The following CDH17 variants were observed in gnomAD, a reference collection of about 807,000 sequenced individuals.
CDH17 encodes cadherin 17.
Under a neutral mutation model 86.3 loss-of-function variants are expected in CDH17, and 67 were observed. The observed-to-expected ratio is 0.78, with a 90% CI of 0.64 to 0.95. The LOEUF (loss-of-function observed/expected upper bound fraction) is 0.95. CDH17 is among the 40% of genes least tolerant of loss of function. The pLI, the probability that CDH17 is intolerant of heterozygous loss-of-function variation, is 0.00. For missense variants in CDH17, 993 were observed against 1,017.6 expected, an observed-to-expected ratio of 0.98 and a Z score of 0.33; for synonymous variants, 367 against 366.4, an observed-to-expected ratio of 1.00 and a Z score of -0.02.
chr8:94,191,754 A>T (rs1813695342), intron 2 of CDH17, among the ~76,000 whole-genome samples: 1 of 152,194 alleles, frequency 6.6e-6, no homozygotes, highest in African/African-American at 2.4e-5. Context: ...ATGCCCGGCC[A>T]AGAAAATGCA....
chr8:94,163,641 A>T (rs191034289), intron 10 of CDH17, among the ~76,000 whole-genome samples: 26 of 151,980 alleles, frequency 1.7e-4, no homozygotes, highest in Admixed American at 1.4e-3. Context: ...CCTTCTTTCA[A>T]CTCTTTGAGG....
chr8:94,182,082 G>A (rs914060259), intron 3 of CDH17, among the ~76,000 whole-genome samples: 14 of 151,968 alleles, frequency 9.2e-5, no homozygotes, highest in African/African-American at 3.4e-4. Flanking sequence ...ACTGATTCAA[G>A]AACACATAGA....
At chr8:94,148,665 T>G in intron 14 of CDH17, 79 bp downstream of exon 14, 51 of 1,170,770 alleles carry the variant, frequency 4.4e-5, no homozygotes, top group East Asian at 5.9e-5. Context: ...AGTTTTCTTA[T>G]CCTCCCTCCC....
At chr8:94,165,281 C>A (rs553386671) in intron 10 of CDH17, among the ~76,000 whole-genome samples, 98 of 152,264 alleles carry the variant, frequency 6.4e-4, no homozygotes, top group African/African-American at 2.2e-3. Flanking sequence ...TTGTAAAGCT[C>A]ATTTTCAAAG....
rs147741721 is a variant in CDH17, at chr8:94,189,269, T to C, written c.68A>G (p.Gln23Arg). 27 of 1,612,034 alleles carry C rather than the reference T, an allele frequency of 1.7e-5. No individual in the cohort carries two copies. In the African/African-American group the frequency reaches 3.3e-4, roughly 20 times the overall value. ...CAGGGGTCCACTAAACTTCCCCTCT[T>C]GGCCATATCCAGTTGCCTGTTAAAA... The part of the protein sequence containing the change: ...LMLYLATGYG[Q>R]EGKFSGPLKP... The change falls in exon 3 of 18, where the codon CAA becomes CGA. Residue 23 changes from glutamine (Q) to arginine (R), a missense_variant. Gln to Arg is a conservative substitution (Grantham distance 43). Coordinates refer to ENST00000027335, the MANE Select transcript of CDH17 (RefSeq NM_004063.4).
Position 94,170,885 on chromosome 8 carries a change from G to A in CDH17, c.884C>T (p.Thr295Ile). The change falls in exon 8 of 18, where the codon ACT becomes ATT. Residue 295 changes from threonine to isoleucine, a missense_variant. Coordinates refer to ENST00000027335, the MANE Select transcript of CDH17 (RefSeq NM_004063.4). ...CTTTTCTTCTCGGTCCAAGGGCTGAGTCACGTAAATATCTCCTTCCTGGTC... is the reference window on the plus strand; with the variant it reads ...CTTTTCTTCTCGGTCCAAGGGCTGAATCACGTAAATATCTCCTTCCTGGTC... ...SIDQEGDIYV[T>I]QPLDREEKDA... The A allele has an allele frequency of 6.2e-7, 1 of 1,613,784 alleles. No individual in the cohort carries two copies. The highest frequency in any genetic ancestry group is 1.3e-5 in the African/African-American group (1 of 74,944).
At chr8:94,206,793 C>A (rs1331357315) in intron 1 of CDH17, among the ~76,000 whole-genome samples, 1 of 151,950 alleles carries the variant, frequency 6.6e-6, no homozygotes, top group Non-Finnish European at 1.5e-5. Context: ...AGGTAAGTGC[C>A]ATCATGCCTG....
chr8:94,173,339 T>C (rs1444632524), intron 7 of CDH17, among the ~76,000 whole-genome samples: 2 of 152,118 alleles, frequency 1.3e-5, no homozygotes, highest in East Asian at 3.9e-4. Flanking sequence ...GAGTTCTCAC[T>C]CTGAGTTCAC....
Position 94,160,308 on chromosome 8 carries a change from T to C in CDH17, c.1360-146A>G, listed in dbSNP as rs1253329340. ...GCATGTTTTTTCCTATTGATGAATATATTGCAGTTGATTTTAACATCAGTC... is the reference window on the plus strand; with the variant it reads ...GCATGTTTTTTCCTATTGATGAATACATTGCAGTTGATTTTAACATCAGTC... On this transcript the variant is annotated intron_variant, in intron 11 of 17. Coordinates refer to ENST00000027335, the MANE Select transcript of CDH17 (RefSeq NM_004063.4). The C allele has an allele frequency of 2.0e-5, 12 of 605,346 alleles. No individual in the cohort carries two copies. The Admixed American group carries it at 3.2e-4, about 16-fold the overall frequency. 37.5% of individuals were successfully genotyped at this position (605,346 alleles called of 1,614,324 possible). A position where few individuals can be genotyped will look rare whatever the true frequency, so the allele number is the denominator to read the frequency against.
At chr8:94,169,012 T>C (rs2130633714) in intron 9 of CDH17, among the ~76,000 whole-genome samples, 1 of 152,278 alleles carries the variant, frequency 6.6e-6, no homozygotes, top group South Asian at 2.1e-4. Context: ...ACAGAAACTG[T>C]GACATGATAC....
intron 10 of CDH17, 123 bp from the exon 11 acceptor site, chr8:94,162,285 T>G: frequency 1.5e-6 from 1 of 665,160 alleles, no homozygotes; most frequent in Non-Finnish European, 2.7e-6. Context: ...GCAATTGACA[T>G]GCAATTTGTG....
intron 3 of CDH17, among the ~76,000 whole-genome samples, chr8:94,184,517 G>T (rs929065708): frequency 1.3e-5 from 2 of 152,138 alleles, no homozygotes; most frequent in Non-Finnish European, 2.9e-5. Flanking sequence ...GAAATGTCTA[G>T]AACAGGCAAA....
intron 5 of CDH17, among the ~76,000 whole-genome samples, chr8:94,175,340 G>A (rs897145427): frequency 8.5e-5 from 13 of 152,206 alleles, no homozygotes; most frequent in African/African-American, 2.9e-4. Context: ...GTCTGTGTGA[G>A]TCTTTGGTAT....
chr8:94,202,889 C>A, intron 1 of CDH17: 1 of 267,918 alleles, frequency 3.7e-6, no homozygotes, highest in Non-Finnish European at 7.1e-6. Flanking sequence ...CATAGCAGAT[C>A]AGGAATATCT....
At chr8:94,155,995 C>A (rs893930777) in intron 12 of CDH17, among the ~76,000 whole-genome samples, 1 of 152,204 alleles carries the variant, frequency 6.6e-6, no homozygotes, top group African/African-American at 2.4e-5. Flanking sequence ...CAAGAACAAG[C>A]CTTGTCCGGC....
intron 13 of CDH17, among the ~76,000 whole-genome samples, chr8:94,149,263 C>T (rs1470342928): frequency 3.3e-5 from 5 of 152,090 alleles, no homozygotes; most frequent in East Asian, 1.9e-4. Context: ...TAGCAAACCA[C>T]CCACCTAGAA....
chr8:94,172,686 C>A (rs1813292184), intron 7 of CDH17, among the ~76,000 whole-genome samples: 1 of 152,128 alleles, frequency 6.6e-6, no homozygotes, highest in Non-Finnish European at 1.5e-5. Flanking sequence ...CAGGGATCTC[C>A]CACTAACCCA....
intron 3 of CDH17, among the ~76,000 whole-genome samples, chr8:94,181,978 A>AT (rs1813494657): frequency 6.6e-6 from 1 of 152,134 alleles, no homozygotes; most frequent in African/African-American, 2.4e-5. Flanking sequence ...AGAAACAAAA[A>AT]GTATTAAAGA....
chr8:94,184,956 G>C (rs1451673862), intron 3 of CDH17, among the ~76,000 whole-genome samples: 1 of 152,052 alleles, frequency 6.6e-6, no homozygotes, highest in African/African-American at 2.4e-5. Context: ...TGGATGAGAG[G>C]ATCTGTACAC....
Sources: allele counts gnomAD v4.1 joint callset (sites outside exome capture counted in the v4.1 genomes callset), GRCh38; gene constraint gnomAD v4.1.1; transcripts MANE v1.5; gene names NCBI Gene and HGNC (gene_info 2026-07-23, HGNC 2026-07-21).